Variants in ENPP3 observed in about 807,000 individuals in gnomAD.
ENPP3 encodes the protein ectonucleotide pyrophosphatase/phosphodiesterase 3.
In ENPP3, 104 loss-of-function variants were observed where a neutral mutation model predicts 117.8. That is an observed-to-expected ratio of 0.88 (90% CI 0.75 to 1.04). The LOEUF is 1.04. ENPP3 is among the 50% of genes least tolerant of loss of function. The pLI, the probability that ENPP3 is intolerant of heterozygous loss-of-function variation, is 0.00. For synonymous variants in ENPP3, 380 were observed against 349.9 expected (o/e 1.09, Z -0.96); for missense variants, 1,026 against 1,051.9 (o/e 0.98, Z 0.34).
intron 19 of ENPP3, among the ~76,000 whole-genome samples, chr6:131,724,660 T>A (rs554009553): frequency 6.6e-6 from 1 of 152,328 alleles, no homozygotes; most frequent in Admixed American, 6.5e-5. Flanking sequence ...CTGTGAAGAT[T>A]ACATGAGTTA....
At chr6:131,679,652 G>T (rs1233957957) in intron 11 of ENPP3, among the ~76,000 whole-genome samples, 1 of 151,990 alleles carries the variant, frequency 6.6e-6, no homozygotes, top group Non-Finnish European at 1.5e-5. Flanking sequence ...GTCTAGAGTA[G>T]GGTGCAAATT....
Position 131,724,080 on chromosome 6 carries a change from C to A in ENPP3, c.1787C>A (p.Thr596Asn). 6.2e-7 allele frequency: 1 copy of A among 1,609,372 alleles called. No individual in the cohort carries two copies. The highest frequency in any genetic ancestry group is 8.5e-7 in the Non-Finnish European group (1 of 1,176,124). ...LEQVNQMLNL[T>N]QEEITATVKV... is the part of the protein sequence containing the mutation. ...CAAGTGAATCAGATGCTAAATCTCA[C>A]CCAAGAAGAAAGTAAGTCAATAGAA... is the stretch of plus-strand genomic sequence containing the variant. Residue 596 changes from threonine to asparagine, a missense_variant, in exon 19 of 25, where the codon ACC becomes AAC. Transcript: ENST00000357639.
chr6:131,637,920 C>T (rs1326092415), intron 1 of ENPP3, among the ~76,000 whole-genome samples: 2 of 151,086 alleles, frequency 1.3e-5, no homozygotes, highest in Non-Finnish European at 3.0e-5. Flanking sequence ...AGATCTGCCA[C>T]CCCCCCTCAC....
Position 131,679,005 on chromosome 6 carries a change from C to G in ENPP3, c.1011+1065C>G, listed in dbSNP as rs13216819. Among the ~76,000 whole-genome samples, 216 of 82,844 alleles carry G rather than the reference C, an allele frequency of 2.6e-3. 2 individuals carry two copies. Among genetic ancestry groups the G allele is most frequent in the South Asian group, 0.015 (33 of 2,170 alleles). The allele number at this position is 82,844 out of a possible 152,430, so 54.3% of individuals were successfully genotyped here. A position where few individuals can be genotyped will look rare whatever the true frequency, so the allele number is the denominator to read the frequency against. On this transcript the variant is annotated intron_variant, in intron 11 of 24. Coordinates refer to ENST00000357639, the MANE Select transcript of ENPP3 (RefSeq NM_005021.5). ...TCCTTCCTTCCTTCCTTCCTTGCTT[C>G]CTTCCTTCCTTCCTTCCTTCCTTCT...
chr6:131,648,529 A>G (rs981427538), intron 2 of ENPP3, among the ~76,000 whole-genome samples: 1 of 152,140 alleles, frequency 6.6e-6, no homozygotes, highest in African/African-American at 2.4e-5. Context: ...CTACAATTAT[A>G]TCTGCATTAT....
Position 131,641,490 on chromosome 6 carries a change from A to G in ENPP3, c.114A>G (p.Gly38=). The change falls in exon 2 of 25, where the codon GGA becomes GGG. Residue 38 remains glycine, a synonymous_variant. Transcript: ENST00000357639. ...CTTTGCTGGTGATCATGTCACTTGG[A>G]TTAGGCCTGGGGCTTGGACTCAGGA... ...LLALLVIMSL[G]LGLGLGLRKL... The G allele has an allele frequency of 9.3e-6, 15 of 1,612,518 alleles. No individual in the cohort carries two copies. Among genetic ancestry groups the G allele is most frequent in the Non-Finnish European group, 1.3e-5 (15 of 1,178,838 alleles).
At chr6:131,654,144 T>C (rs939231569) in intron 5 of ENPP3, among the ~76,000 whole-genome samples, 1 of 144,204 alleles carries the variant, frequency 6.9e-6, no homozygotes, top group Non-Finnish European at 1.6e-5. Context: ...TTATTATTAT[T>C]ATTACGAGAT....
Position 131,674,169 on chromosome 6 carries a change from A to G in ENPP3, c.650A>G (p.Tyr217Cys). 6.5e-7 allele frequency: 1 copy of G among 1,537,570 alleles called. No individual in the cohort carries two copies. The highest frequency in any genetic ancestry group is 9.0e-7 in the Non-Finnish European group (1 of 1,113,250). ...PNHYTIVTGL[Y>C]PESHGIIDNN... ...TTGAAATTATCATTTTAGGGCTTGT[A>G]TCCAGAGTCACATGGCATCATTGAC... is the stretch of plus-strand genomic sequence containing the variant. Residue 217 changes from tyrosine (Y) to cysteine (C), a missense_variant, in exon 8 of 25, where the codon TAT (tyrosine) becomes TGT (cysteine). By Grantham distance (194) the Tyr-to-Cys change is radical. Transcript: ENST00000357639.
chr6:131,680,842 C>T (rs1469914302), intron 11 of ENPP3, among the ~76,000 whole-genome samples: 1 of 152,168 alleles, frequency 6.6e-6, no homozygotes, highest in African/African-American at 2.4e-5. Context: ...TGGCATTTCA[C>T]ATTCTATGGA....
Position 131,652,680 on chromosome 6 carries a change from A to T in ENPP3, c.403+13A>T. 1 of 1,613,886 alleles carries T rather than the reference A, an allele frequency of 6.2e-7. No homozygotes were observed. On this transcript the variant is annotated intron_variant, in intron 4 of 24. Transcript: ENST00000357639. ...AGTGTTTGCCAAGGTGAGCAGGAGGATGTTGACTCATTTGCCCCTGCGAGT... is the reference window on the plus strand; with the variant it reads ...AGTGTTTGCCAAGGTGAGCAGGAGGTTGTTGACTCATTTGCCCCTGCGAGT...
chr6:131,746,819 A>G lies in ENPP3; in HGVS notation c.2491A>G (p.Arg831Gly), dbSNP rs764176016. The G allele has an allele frequency of 4.3e-6, 7 of 1,610,634 alleles. No homozygotes were observed. The highest frequency in any genetic ancestry group is 5.1e-6 in the Non-Finnish European group (6 of 1,178,976). The change falls in exon 25 of 25, where the codon AGA becomes GGA. Residue 831 changes from arginine to glycine, a missense_variant. Physicochemically the swap from Arg to Gly is moderately radical, Grantham distance 125. Transcript: ENST00000357639. ...ACCAGAAGCTCTTTGGGTTGAAGAA[A>G]GATTTACAGCTCACATTGCCCGGGT... ...GKPEALWVEERFTAHIARVRD... is the reference protein window; with the variant it reads ...GKPEALWVEEGFTAHIARVRD...
intron 14 of ENPP3, among the ~76,000 whole-genome samples, chr6:131,688,302 C>T (rs1453760079): frequency 6.6e-6 from 1 of 152,074 alleles, no homozygotes; most frequent in Non-Finnish European, 1.5e-5. Flanking sequence ...TGAGGCATAA[C>T]AATATTGAAA....
chr6:131,701,738 CCGGCGTGG>C (rs1181778639), intron 15 of ENPP3, among the ~76,000 whole-genome samples: 1 of 149,920 alleles, frequency 6.7e-6, no homozygotes. Flanking sequence ...AAAAATTAGC[CCGGCGTGG>C]CGGCGTGTAC....
At chr6:131,695,982 C>T (rs1426248847) in intron 15 of ENPP3, among the ~76,000 whole-genome samples, 1 of 151,468 alleles carries the variant, frequency 6.6e-6, no homozygotes, top group African/African-American at 2.4e-5. Context: ...AAAACACAAG[C>T]CTCCAGCTAC....
At chr6:131,686,269 T>C (rs918025024) in intron 14 of ENPP3, among the ~76,000 whole-genome samples, 1 of 152,184 alleles carries the variant, frequency 6.6e-6, no homozygotes, top group African/African-American at 2.4e-5. Context: ...TACAGATCTT[T>C]TTTTTACAAG....
intron 20 of ENPP3, among the ~76,000 whole-genome samples, chr6:131,731,452 A>C (rs1188150146): frequency 2.0e-5 from 3 of 152,206 alleles, no homozygotes. Flanking sequence ...TTTCAGGCTA[A>C]ATGGGCAATG....
chr6:131,652,978 TC>T, intron 5 of ENPP3, 87 bp downstream of exon 5: 1 of 862,712 alleles, frequency 1.2e-6, no homozygotes. Flanking sequence ...GAGAGGAATT[TC>T]CCCCAATTCA....
chr6:131,680,178 CA>C (rs1429235942), intron 11 of ENPP3, among the ~76,000 whole-genome samples: 5 of 151,976 alleles, frequency 3.3e-5, no homozygotes, highest in Non-Finnish European at 5.9e-5. Context: ...AAAGAGATAA[CA>C]GTGATTTGGA....
chr6:131,726,329 A>G, intron 20 of ENPP3, 129 bp downstream of exon 20: 2 of 721,876 alleles, frequency 2.8e-6, no homozygotes, highest in East Asian at 2.6e-5. Flanking sequence ...AGCTTGCAAG[A>G]CAATGTGCAA....
Sources: gnomAD v4.1 joint callset for allele counts (sites outside exome capture counted in the v4.1 genomes callset) on GRCh38, gnomAD v4.1.1 for gene constraint, MANE v1.5 for transcripts, NCBI Gene and HGNC (gene_info 2026-07-23, HGNC 2026-07-21) for gene names.